TEX11: variants seen among roughly 807,000 people sequenced by gnomAD.
TEX11 encodes the protein testis-expressed protein 11.
A neutral mutation model predicts 84.4 loss-of-function variants in TEX11; 7 were observed. That is an observed-to-expected ratio of 0.08 (90% CI 0.05 to 0.16). TEX11 has a LOEUF of 0.16. Among genes scored for constraint, TEX11 ranks in the 10% least tolerant of loss-of-function variants. The pLI is 1.00. For synonymous variants in TEX11, 264 were observed against 222.8 expected (o/e 1.18, Z -1.64); for missense variants, 551 against 660.5 (o/e 0.83, Z 1.82).
At chrX:70,813,297 C>T (rs934033879) in intron 8 of TEX11, among the ~76,000 whole-genome samples, 62 of 111,735 alleles carry the variant, frequency 5.5e-4, no homozygotes, top group African/African-American at 1.1e-3. Flanking sequence ...GTTCAACATA[C>T]GCAAATCAAT....
intron 9 of TEX11, among the ~76,000 whole-genome samples, chrX:70,754,732 C>G (rs1469553701): frequency 9.2e-6 from 1 of 108,333 alleles, no homozygotes; most frequent in Non-Finnish European, 1.9e-5. Context: ...TTTCAGGTAG[C>G]TCAGGAGAGA....
intron 28 of TEX11, among the ~76,000 whole-genome samples, chrX:70,541,694 G>C (rs1159979364): frequency 9.0e-6 from 1 of 111,391 alleles, no homozygotes. Context: ...GGAGGCGGAG[G>C]TTGCAGTAAG....
rs185780293 is a variant in TEX11 at position 70,694,433 on chromosome X, A to G, written c.1005-11608T>C. 4.5e-5 allele frequency among the ~76,000 whole-genome samples: 5 copies of G among 112,224 alleles called. No individual in the cohort carries two copies. The East Asian group carries it at 1.4e-3, about 31-fold the overall frequency. On this transcript the variant is annotated intron_variant, in intron 13 of 29. Transcript: ENST00000374333. ...AAAGATTTTAACAGGCATTTCACAAAAAGGGATACACACATGAAAAGCAAA... is the reference window on the plus strand; with the variant it reads ...AAAGATTTTAACAGGCATTTCACAAGAAGGGATACACACATGAAAAGCAAA...
intron 25 of TEX11, among the ~76,000 whole-genome samples, chrX:70,564,269 G>A (rs2088420715): frequency 9.0e-6 from 1 of 111,574 alleles, no homozygotes; most frequent in Non-Finnish European, 1.9e-5. Context: ...AAAAGACACT[G>A]ACACTGACTT....
At chrX:70,704,150 G>A (rs1445844866) in intron 13 of TEX11, among the ~76,000 whole-genome samples, 3 of 108,684 alleles carry the variant, frequency 2.8e-5, no homozygotes, top group Admixed American at 2.0e-4. Flanking sequence ...GTTCTGCCAT[G>A]TAAGATGCCT....
intron 8 of TEX11, among the ~76,000 whole-genome samples, chrX:70,812,825 G>A (rs867213174): frequency 5.4e-5 from 6 of 111,536 alleles, no homozygotes; most frequent in African/African-American, 6.5e-5. Context: ...ATACCTCTAC[G>A]CAAATAAACT....
chrX:70,630,426 A>G (rs1272522770), intron 17 of TEX11, among the ~76,000 whole-genome samples: 2 of 111,264 alleles, frequency 1.8e-5, no homozygotes. Context: ...AGAATAAAAT[A>G]AAAAATTGAG....
chrX:70,582,419 C>T (rs2088788567), intron 25 of TEX11, among the ~76,000 whole-genome samples: 2 of 111,858 alleles, frequency 1.8e-5, no homozygotes, highest in African/African-American at 6.5e-5. Context: ...TGAAATAAAG[C>T]TATGCAATGT....
At chrX:70,879,179 TG>T (rs2091670515) in intron 3 of TEX11, among the ~76,000 whole-genome samples, 1 of 110,821 alleles carries the variant, frequency 9.0e-6, no homozygotes, top group South Asian at 3.8e-4. Context: ...GGTTTCTTTT[TG>T]AGGTGATGAA....
chrX:70,754,083 G>A (rs1271738985), intron 9 of TEX11, among the ~76,000 whole-genome samples: 1 of 111,605 alleles, frequency 9.0e-6, no homozygotes, highest in Non-Finnish European at 1.9e-5. Flanking sequence ...AAAGGGGACT[G>A]TGTCTTGCAT....
At chrX:70,632,720 G>C (rs764911942) in intron 17 of TEX11, among the ~76,000 whole-genome samples, 1 of 111,403 alleles carries the variant, frequency 9.0e-6, no homozygotes, top group African/African-American at 3.3e-5. Context: ...AAATAGAGAA[G>C]ACATAAATTA....
At chrX:70,627,036 T>C (rs145191925) in intron 18 of TEX11, among the ~76,000 whole-genome samples, 2 of 112,397 alleles carry the variant, frequency 1.8e-5, no homozygotes, top group African/African-American at 6.5e-5. Context: ...ATCAACTGCA[T>C]TGAATGTTGC....
At chrX:70,760,436 A>G (rs977713781) in intron 9 of TEX11, among the ~76,000 whole-genome samples, 13 of 111,592 alleles carry the variant, frequency 1.2e-4, no homozygotes, top group African/African-American at 4.2e-4. Context: ...ATGGAACAGA[A>G]CAGAGGCTTC....
chrX:70,661,443 C>T (rs1003109399), intron 16 of TEX11, among the ~76,000 whole-genome samples: 2 of 112,646 alleles, frequency 1.8e-5, no homozygotes, highest in African/African-American at 6.4e-5. Flanking sequence ...GACTCCACCT[C>T]TGGGGGCAGG....
chrX:70,877,680 A>G (rs1346404642), intron 3 of TEX11, among the ~76,000 whole-genome samples: 1 of 112,276 alleles, frequency 8.9e-6, no homozygotes, highest in Admixed American at 9.4e-5. Context: ...CACACATACA[A>G]TGGATTATTC....
chrX:70,884,587 C>T (rs2091698612), intron 2 of TEX11, among the ~76,000 whole-genome samples: 3 of 111,190 alleles, frequency 2.7e-5, no homozygotes, highest in South Asian at 7.6e-4. Flanking sequence ...CATTGTAAAT[C>T]GTAATTTCTA....
At chrX:70,811,376 T>C (rs1343901462) in intron 8 of TEX11, among the ~76,000 whole-genome samples, 2 of 111,850 alleles carry the variant, frequency 1.8e-5, no homozygotes, top group African/African-American at 6.5e-5. Context: ...TATGGCTGCA[T>C]AGTATTTCAT....
chrX:70,583,349 C>T (rs2088806742), intron 25 of TEX11, among the ~76,000 whole-genome samples: 2 of 111,865 alleles, frequency 1.8e-5, no homozygotes, highest in Admixed American at 1.9e-4. Context: ...TGAGTGAGAA[C>T]ATGCAGTATT....
chrX:70,899,475 G>A (rs2091790471), intron 2 of TEX11, among the ~76,000 whole-genome samples: 1 of 110,715 alleles, frequency 9.0e-6, no homozygotes, highest in African/African-American at 3.3e-5. Flanking sequence ...AAAATTTTAA[G>A]TTACATTTCT....
Sources: gnomAD v4.1 joint callset for allele counts (sites outside exome capture counted in the v4.1 genomes callset) on GRCh38, gnomAD v4.1.1 for gene constraint, MANE v1.5 for transcripts, NCBI Gene and HGNC (gene_info 2026-07-23, HGNC 2026-07-21) for gene names.